Variants in DENND2C observed in about 807,000 individuals in gnomAD.
DENND2C encodes DENN domain containing 2C.
DENND2C carries 72 observed loss-of-function variants against 112.4 expected under a neutral mutation model. The ratio of observed to expected loss-of-function variants is 0.64; its 90% confidence interval spans 0.53 to 0.78. DENND2C has a LOEUF of 0.78. Ranked by LOEUF, DENND2C falls within the 30% of genes least tolerant of loss-of-function variation. DENND2C has a pLI of 0.00. For synonymous variants in DENND2C, 329 were observed against 381.6 expected (o/e 0.86, Z 1.61); for missense variants, 992 against 1,113.8 (o/e 0.89, Z 1.56).
At chr1:114,593,319 G>A (rs1156759321) in intron 18 of DENND2C, among the ~76,000 whole-genome samples, 2 of 152,236 alleles carry the variant, frequency 1.3e-5, no homozygotes, top group African/African-American at 4.8e-5. Flanking sequence ...CACTCTATAC[G>A]ATCATCTCAT....
At chr1:114,595,782 C>T (rs1557939174) in intron 17 of DENND2C, 50 bp downstream of exon 17, 5 of 1,507,732 alleles carry the variant, frequency 3.3e-6, no homozygotes, top group Non-Finnish European at 4.6e-6. Context: ...CAATTATCTA[C>T]AGTAGACATT....
rs772020888 is a variant in DENND2C, at chr1:114,587,387, C to A, written c.2755G>T (p.Gly919Ter). ...SGMNRILRSL[G>*]SKMKFLQKK ...CTAACAGGAAAACACAGCAACTAAC[C>A]AAGACTCCGCAAAATTCTATTCATC... The change falls in exon 20 of 21, where the codon GGA (glycine) becomes TGA (stop). Residue 919 changes from glycine to a stop codon, truncating the protein, a stop_gained and splice_region_variant. Transcript: ENST00000393274. LOFTEE classifies it high-confidence loss of function. The A allele has an allele frequency of 1.2e-6, 2 of 1,614,004 alleles. No homozygotes were observed. The highest frequency in any genetic ancestry group is 8.5e-7 in the Non-Finnish European group (1 of 1,180,034).
At chr1:114,658,647 T>C (rs191961827) in intron 1 of DENND2C, among the ~76,000 whole-genome samples, 171 of 152,120 alleles carry the variant, frequency 1.1e-3, no homozygotes, top group African/African-American at 3.7e-3. Flanking sequence ...TCGATATTTT[T>C]TAAAACTGCA....
At position 114,629,390 on chromosome 1, in the gene DENND2C, G is replaced by A. The variant is rs573422822; in HGVS notation, c.-204-3202C>T. Reference sequence around the variant, plus strand: ...CCTCCCAGGTTCAAACAATTCTCCCGCCTCAGCCTCCTGAGTAGCTGGGAT... The same window carrying A: ...CCTCCCAGGTTCAAACAATTCTCCCACCTCAGCCTCCTGAGTAGCTGGGAT... On this transcript the variant is annotated intron_variant, in intron 3 of 20. Transcript: ENST00000393274. Among the ~76,000 whole-genome samples, 11 of 152,256 alleles carry A rather than the reference G, an allele frequency of 7.2e-5. No homozygotes were observed. In the South Asian group the frequency reaches 1.7e-3, roughly 23 times the overall value.
chr1:114,663,942 A>G (rs1247978735), intron 1 of DENND2C, among the ~76,000 whole-genome samples: 1 of 150,580 alleles, frequency 6.6e-6, no homozygotes, highest in Non-Finnish European at 1.5e-5. Context: ...AGAAGACCAT[A>G]CTGCTATTCT....
intron 10 of DENND2C, among the ~76,000 whole-genome samples, chr1:114,606,308 A>G (rs1655656145): frequency 6.6e-6 from 1 of 152,240 alleles, no homozygotes; most frequent in Non-Finnish European, 1.5e-5. Context: ...GAGAAATTTT[A>G]TAAGAAATTA....
rs184876529 is a variant in DENND2C at position 114,661,321 on chromosome 1, A to T, written c.-573-6560T>A. Among the ~76,000 whole-genome samples, 271 of 152,268 alleles carry T rather than the reference A, an allele frequency of 1.8e-3. 2 individuals are homozygous for T. Among genetic ancestry groups the T allele is most frequent in the Non-Finnish European group, 2.2e-3 (148 of 68,022 alleles). The stretch of plus-strand genomic sequence containing the variant: ...AAGTATAATTTTTAATTTCCAGCTG[A>T]TTTAGCATCAAAAATCATGAGCACA... On this transcript the variant is annotated intron_variant, in intron 1 of 20. Transcript: ENST00000393274.
At chr1:114,617,345 C>G (rs1656000009) in intron 8 of DENND2C, among the ~76,000 whole-genome samples, 2 of 152,138 alleles carry the variant, frequency 1.3e-5, no homozygotes, top group South Asian at 4.1e-4. Context: ...GAGTCTCACT[C>G]TGTCACCCAG....
chr1:114,653,125 T>C (rs1285185346), intron 2 of DENND2C, among the ~76,000 whole-genome samples: 4 of 152,092 alleles, frequency 2.6e-5, no homozygotes, highest in Non-Finnish European at 5.9e-5. Flanking sequence ...ACTTTTTTTT[T>C]TGAGACAGAG....
chr1:114,593,040 C>T (rs1356132296), intron 18 of DENND2C, among the ~76,000 whole-genome samples: 5 of 151,928 alleles, frequency 3.3e-5, no homozygotes, highest in Non-Finnish European at 5.9e-5. Flanking sequence ...ATTATGTTGC[C>T]CAGGCTAGTT....
At chr1:114,607,544 G>T (rs1473010510) in intron 10 of DENND2C, among the ~76,000 whole-genome samples, 1 of 152,160 alleles carries the variant, frequency 6.6e-6, no homozygotes, top group African/African-American at 2.4e-5. Context: ...CAAACACTAT[G>T]CAAAGCAAAA....
In DENND2C at chr1:114,582,989, G is replaced by A. The variant is rs947621273; in HGVS notation, c.*2611C>T. ...GACCTAAGGAAATGAAGCAGCTTCA[G>A]GCTGCGAGGATGAAGACACCATTGC... On this transcript the variant is annotated 3_prime_UTR_variant, in exon 21 of 21. Transcript: ENST00000393274. 3 of 152,236 alleles carry A rather than the reference G, an allele frequency of 2.0e-5. No homozygotes were observed. The highest frequency in any genetic ancestry group is 2.0e-4 in the Admixed American group (3 of 15,284). The allele number at this position is 152,236 out of a possible 1,614,324, so 9.4% of individuals were successfully genotyped here. A position where few individuals can be genotyped will look rare whatever the true frequency, so the allele number is the denominator to read the frequency against.
chr1:114,584,146 G>A lies in DENND2C; in HGVS notation c.*1454C>T, dbSNP rs1654979342. On this transcript the variant is annotated 3_prime_UTR_variant, in exon 21 of 21. Transcript: ENST00000393274. ...AATAGCTATATAATCCTACTGAGAT[G>A]AAATTTCCATCTGTAGGACTAACCA... is the stretch of plus-strand genomic sequence containing the variant. 6.6e-6 allele frequency: 1 copy of A among 152,194 alleles called. No individual in the cohort carries two copies. Among genetic ancestry groups the A allele is most frequent in the Non-Finnish European group, 1.5e-5 (1 of 68,048 alleles). 9.4% of individuals were successfully genotyped at this position (152,194 alleles called of 1,614,324 possible).
chr1:114,624,840 T>C (rs994325789), intron 4 of DENND2C, among the ~76,000 whole-genome samples: 8 of 151,948 alleles, frequency 5.3e-5, no homozygotes, highest in Non-Finnish European at 8.8e-5. Flanking sequence ...AGGCTGGTCT[T>C]GAACTCCTGA....
intron 11 of DENND2C, among the ~76,000 whole-genome samples, chr1:114,604,262 C>G (rs535575965): frequency 2.0e-5 from 3 of 152,138 alleles, no homozygotes; most frequent in Admixed American, 2.0e-4. Flanking sequence ...CCATGTGATA[C>G]GGTTCAATGA....
At chr1:114,610,753 T>A (rs1019116740) in intron 9 of DENND2C, among the ~76,000 whole-genome samples, 6 of 151,314 alleles carry the variant, frequency 4.0e-5, no homozygotes. Flanking sequence ...ATTCACACAC[T>A]CTGTTTTGGC....
At chr1:114,644,647 C>A (rs1656929774) in intron 3 of DENND2C, among the ~76,000 whole-genome samples, 1 of 152,160 alleles carries the variant, frequency 6.6e-6, no homozygotes, top group African/African-American at 2.4e-5. Flanking sequence ...ATTTGCCAAG[C>A]ACTACATGCA....
At chr1:114,653,928 C>T (rs1267386171) in intron 2 of DENND2C, among the ~76,000 whole-genome samples, 1 of 152,052 alleles carries the variant, frequency 6.6e-6, no homozygotes, top group East Asian at 1.9e-4. Context: ...TAAAGCCATA[C>T]TCTGAAATAC....
intron 3 of DENND2C, among the ~76,000 whole-genome samples, chr1:114,627,454 A>G (rs910570041): frequency 6.6e-6 from 1 of 152,198 alleles, no homozygotes; most frequent in African/African-American, 2.4e-5. Context: ...AAAGCACACA[A>G]AAGTGTTATT....
Sources: gnomAD v4.1 joint callset for allele counts (sites outside exome capture counted in the v4.1 genomes callset) on GRCh38, gnomAD v4.1.1 for gene constraint, MANE v1.5 for transcripts, NCBI Gene and HGNC (gene_info 2026-07-23, HGNC 2026-07-21) for gene names.